Variants in ETS1 observed in about 807,000 individuals in gnomAD.
ETS1 encodes ETS proto-oncogene 1, transcription factor, also known as protein C-ets-1.
Under a neutral mutation model 58.6 loss-of-function variants are expected in ETS1, and 15 were observed. That is an observed-to-expected ratio of 0.26 (90% confidence interval 0.17 to 0.39). The LOEUF (loss-of-function observed/expected upper bound fraction) is 0.39, where lower values mean the gene tolerates loss of function less well. Among genes scored for constraint, ETS1 ranks in the 10% least tolerant of loss-of-function variants. The probability of loss-of-function intolerance (pLI) is 1.00; values close to 1 mark genes in which losing one functional copy is unlikely to be tolerated. For missense variants in ETS1, 417 were observed against 610.5 expected (o/e 0.68, Z 3.34); for synonymous variants, 214 against 218.2 (o/e 0.98, Z 0.17).
intron 3 of ETS1, among the ~76,000 whole-genome samples, chr11:128,550,737 G>C (rs1285690073): frequency 6.6e-6 from 1 of 152,172 alleles, no homozygotes; most frequent in Non-Finnish European, 1.5e-5. Flanking sequence ...CATCCAGGCA[G>C]AATCCAAAAA....
At chr11:128,512,145 C>T (rs1863408751) in intron 3 of ETS1, among the ~76,000 whole-genome samples, 1 of 152,190 alleles carries the variant, frequency 6.6e-6, no homozygotes, top group Non-Finnish European at 1.5e-5. Flanking sequence ...TGAACTCCTC[C>T]ACTCAGCAGC....
At position 128,484,986 on chromosome 11, in the gene ETS1, A is replaced by G; in HGVS notation, c.699T>C (p.His233=). The G allele has an allele frequency of 1.9e-6, 3 of 1,614,068 alleles. No individual in the cohort carries two copies. The highest frequency in any genetic ancestry group is 2.5e-6 in the Non-Finnish European group (3 of 1,179,956). The part of the protein sequence containing the change: ...SFITESYQTL[H]PISSEELLSL... ...AGAGGAGCTCTTCCGAGCTGATGGG[A>G]TGGAGCGTCTGATAGGACTCTGTGA... Residue 233 remains histidine, a synonymous_variant, in exon 7 of 10, where the codon CAT becomes CAC. Coordinates refer to ENST00000392668, the MANE Select transcript of ETS1 (RefSeq NM_001143820.2).
chr11:128,476,155 C>T (rs1008672076), intron 8 of ETS1, among the ~76,000 whole-genome samples: 3 of 152,194 alleles, frequency 2.0e-5, no homozygotes, highest in South Asian at 2.1e-4. Flanking sequence ...TACCACCAGA[C>T]CTGCTCAACA....
chr11:128,463,790 C>A lies in ETS1; in HGVS notation c.1124-163G>T. On this transcript the variant is annotated intron_variant, in intron 8 of 9. Transcript: ENST00000392668. This position sits in a 1 kb window ranked among gnomAD's most constrained non-coding sequence, Gnocchi z 4.1. ...CATGTCGGAGGAAGTGTTATGAGCT[C>A]GAACAGATAGAAAAGACAAAGGCCT... The A allele has an allele frequency of 2.0e-6, 1 of 511,390 alleles. No homozygotes were observed. The highest frequency in any genetic ancestry group is 3.3e-5 in the East Asian group (1 of 30,300). 31.7% of individuals were successfully genotyped at this position (511,390 alleles called of 1,614,324 possible).
intron 1 of ETS1, among the ~76,000 whole-genome samples, chr11:128,584,457 T>C (rs1864933267): frequency 6.6e-6 from 1 of 152,112 alleles, no homozygotes; most frequent in African/African-American, 2.4e-5. Flanking sequence ...ACCTGGTAAA[T>C]GGGGATGACG....
intron 3 of ETS1, chr11:128,529,093 G>T (rs1863853329): frequency 6.6e-6 from 1 of 152,182 alleles, no homozygotes; most frequent in African/African-American, 2.4e-5. Context: ...AAGGTAAGAT[G>T]TACAACTGCT....
At position 128,480,306 on chromosome 11, in the gene ETS1, C is replaced by A. The variant is rs760435806; in HGVS notation, c.1008G>T (p.Pro336=). The part of the protein sequence containing the change: ...SYDSFDSEDY[P]AALPNHKPKG... ...TGGGCTTGTGGTTGGGCAGGGCAGC[C>A]GGATAGTCCTCTGAGTCGAAGCTGT... Residue 336 remains proline (P), a synonymous_variant, in exon 8 of 10, where the codon CCG becomes CCT. Coordinates refer to ENST00000392668, the MANE Select transcript of ETS1 (RefSeq NM_001143820.2). 37 of 1,614,100 alleles carry A rather than the reference C, an allele frequency of 2.3e-5. 1 individual carries two copies. In the East Asian group the frequency reaches 3.6e-4, roughly 16 times the overall value.
chr11:128,570,209 CATTT>C (rs1222878938), intron 2 of ETS1, among the ~76,000 whole-genome samples: 50 of 149,750 alleles, frequency 3.3e-4, no homozygotes, highest in African/African-American at 1.1e-3. Context: ...ATTTGTGTGA[CATTT>C]CTTTCTTTCT....
At chr11:128,547,523 C>A (rs549301045) in intron 3 of ETS1, among the ~76,000 whole-genome samples, 1 of 152,162 alleles carries the variant, frequency 6.6e-6, no homozygotes, top group African/African-American at 2.4e-5. Context: ...GCAACTGGAA[C>A]TCTGTAGCTA....
At chr11:128,569,145 C>T (rs1864568165) in intron 2 of ETS1, among the ~76,000 whole-genome samples, 1 of 152,064 alleles carries the variant, frequency 6.6e-6, no homozygotes, top group Non-Finnish European at 1.5e-5. Context: ...TCAGTTACAT[C>T]CCTGGCTTCT....
rs193122051 is a variant in ETS1, at chr11:128,572,597, G to A, written c.69+465C>T. 7.7e-3 allele frequency among the ~76,000 whole-genome samples: 1,165 copies of A among 152,098 alleles called. 16 individuals carry two copies. Among genetic ancestry groups the A allele is most frequent in the African/African-American group, 0.02 (842 of 41,478 alleles). On this transcript the variant is annotated intron_variant, in intron 2 of 9. Coordinates refer to ENST00000392668, the MANE Select transcript of ETS1 (RefSeq NM_001143820.2). ...AGTTTCTTTGTCCCCTCTTATTCTAGGATTTATGAAATTTTTCCATAAACT... is the reference window on the plus strand; with the variant it reads ...AGTTTCTTTGTCCCCTCTTATTCTAAGATTTATGAAATTTTTCCATAAACT...
rs1861886600 is a variant in ETS1 at position 128,460,740 on chromosome 11, A to G, written c.*1621T>C. On this transcript the variant is annotated 3_prime_UTR_variant, in exon 10 of 10. Transcript: ENST00000392668. Reference sequence around the variant, plus strand: ...TATGTTTGTATTTAAACCTTGGGGGAACTAAAAATCTATTCAAATCTCATG... The same window carrying G: ...TATGTTTGTATTTAAACCTTGGGGGGACTAAAAATCTATTCAAATCTCATG... 6.6e-6 allele frequency: 1 copy of G among 152,216 alleles called. No individual in the cohort carries two copies. Among genetic ancestry groups the G allele is most frequent in the Non-Finnish European group, 1.5e-5 (1 of 68,014 alleles). 9.4% of individuals were successfully genotyped at this position (152,216 alleles called of 1,614,324 possible).
At chr11:128,546,778 C>T (rs1297739036) in intron 3 of ETS1, among the ~76,000 whole-genome samples, 1 of 152,172 alleles carries the variant, frequency 6.6e-6, no homozygotes, top group African/African-American at 2.4e-5. Context: ...GCACCCCTAT[C>T]CCCTTTAGGG....
intron 3 of ETS1, among the ~76,000 whole-genome samples, chr11:128,552,739 T>C (rs1298500199): frequency 6.6e-6 from 1 of 152,116 alleles, no homozygotes; most frequent in Non-Finnish European, 1.5e-5. Flanking sequence ...TTGTGTCCTG[T>C]GTGCTCAGCT....
intron 3 of ETS1, among the ~76,000 whole-genome samples, chr11:128,550,501 C>G (rs1380172641): frequency 6.6e-6 from 1 of 152,184 alleles, no homozygotes. Context: ...TGTGGACTCT[C>G]CCTAGCGGAC....
At chr11:128,534,638 C>T (rs1299606328) in intron 3 of ETS1, among the ~76,000 whole-genome samples, 1 of 152,138 alleles carries the variant, frequency 6.6e-6, no homozygotes, top group Non-Finnish European at 1.5e-5. Context: ...CACGTGTTCT[C>T]ATTGTTCAAC....
chr11:128,552,607 C>G (rs1330339270), intron 3 of ETS1, among the ~76,000 whole-genome samples: 1 of 152,202 alleles, frequency 6.6e-6, no homozygotes, highest in Non-Finnish European at 1.5e-5. Context: ...TACTATAACA[C>G]TTTGGAAGAG....
chr11:128,578,166 G>A (rs1864791613), intron 1 of ETS1, among the ~76,000 whole-genome samples: 1 of 152,146 alleles, frequency 6.6e-6, no homozygotes, highest in African/African-American at 2.4e-5. Context: ...AACCCGGCCA[G>A]GACCTGTAGG....
chr11:128,578,819 A>G (rs536790331), intron 1 of ETS1, among the ~76,000 whole-genome samples: 4 of 152,328 alleles, frequency 2.6e-5, no homozygotes, highest in Non-Finnish European at 5.9e-5. Context: ...TATCCTAAAG[A>G]TGATGACTGC....
Sources: allele counts gnomAD v4.1 joint callset (sites outside exome capture counted in the v4.1 genomes callset), GRCh38; gene constraint gnomAD v4.1.1; non-coding constraint Gnocchi (gnomAD v3.1); transcripts MANE v1.5; gene names NCBI Gene and HGNC (gene_info 2026-07-23, HGNC 2026-07-21).